Variants in ADCYAP1R1 observed in about 807,000 individuals in gnomAD.
ADCYAP1R1 encodes pituitary adenylate cyclase-activating polypeptide type I receptor.
ADCYAP1R1 carries 44 observed loss-of-function variants against 67.6 expected under a neutral mutation model. That is an observed-to-expected ratio of 0.65 (90% CI 0.51 to 0.84). The LOEUF (loss-of-function observed/expected upper bound fraction) is 0.84. Among genes scored for constraint, ADCYAP1R1 ranks in the 40% least tolerant of loss-of-function variants. The pLI is 0.00. For synonymous variants in ADCYAP1R1, 222 were observed against 219.6 expected (o/e 1.01, Z -0.10); for missense variants, 477 against 587.9 (o/e 0.81, Z 1.95).
At chr7:31,064,064 G>T (rs1401307299) in intron 2 of ADCYAP1R1, among the ~76,000 whole-genome samples, 2 of 152,206 alleles carry the variant, frequency 1.3e-5, no homozygotes, top group Admixed American at 6.5e-5. Context: ...TGCATGGGCT[G>T]TGAAGTTACT....
At chr7:31,055,780 AGATGCCTGATGGTACCTAG>A (rs902029131) in intron 1 of ADCYAP1R1, among the ~76,000 whole-genome samples, 3 of 152,218 alleles carry the variant, frequency 2.0e-5, no homozygotes, top group African/African-American at 7.2e-5. Flanking sequence ...TGATAGCTGC[AGATGCCTGATGGTACCTAG>A]GATGCTTCGC....
At chr7:31,055,256 A>G (rs1794190566) in intron 1 of ADCYAP1R1, among the ~76,000 whole-genome samples, 1 of 152,174 alleles carries the variant, frequency 6.6e-6, no homozygotes, top group Non-Finnish European at 1.5e-5. Flanking sequence ...GGGGACTCAG[A>G]GATATTTGCC....
In ADCYAP1R1 at chr7:31,109,102, A is replaced by G. The variant is rs1212539322; in HGVS notation, c.*2418A>G. 6 of 152,202 alleles carry G rather than the reference A, an allele frequency of 3.9e-5. No individual in the cohort carries two copies. The highest frequency in any genetic ancestry group is 3.9e-4 in the Admixed American group (6 of 15,282). The allele number at this position is 152,202 out of a possible 1,614,324, so 9.4% of individuals were successfully genotyped here. A position where few individuals can be genotyped will look rare whatever the true frequency, so the allele number is the denominator to read the frequency against. ...AGAGACATCATCACAAAACAGTAAA[A>G]ACAAAATCAACCCTGAACCCCATGC... On this transcript the variant is annotated 3_prime_UTR_variant, in exon 16 of 16. Coordinates refer to ENST00000304166, the MANE Select transcript of ADCYAP1R1 (RefSeq NM_001118.5).
At chr7:31,092,849 A>G in intron 13 of ADCYAP1R1, 114 bp downstream of exon 13, 1 of 716,684 alleles carries the variant, frequency 1.4e-6, no homozygotes, top group East Asian at 2.6e-5. Context: ...TAGCATCAGC[A>G]TTTGCAGATC....
rs1370990465 is a variant in ADCYAP1R1, at chr7:31,086,345, T to C, written c.670-39T>C. On this transcript the variant is annotated intron_variant, in intron 9 of 15. Coordinates refer to ENST00000304166, the MANE Select transcript of ADCYAP1R1 (RefSeq NM_001118.5). This position sits in a 1 kb window ranked among gnomAD's most constrained non-coding sequence, Gnocchi z 5.0. ...GGATTCTCCCTTGCTCCTGTTCCTG[T>C]TGGGCTCACGCCCCTCACCCTGGCG... 6.2e-7 allele frequency: 1 copy of C among 1,605,872 alleles called. No individual in the cohort carries two copies. The highest frequency in any genetic ancestry group is 1.3e-5 in the African/African-American group (1 of 74,792).
rs1239359218 is a variant in ADCYAP1R1, at chr7:31,052,516, A to T, written c.-234A>T. On this transcript the variant is annotated 5_prime_UTR_variant, in exon 1 of 16. Transcript: ENST00000304166. The stretch of plus-strand genomic sequence containing the variant: ...CACGCCGCCGCGCAGGGACACACGG[A>T]CCCCGGCCGCCAGCCGGCCACACAG... 6.7e-6 allele frequency: 1 copy of T among 149,442 alleles called. No individual in the cohort carries two copies. The highest frequency in any genetic ancestry group is 1.5e-5 in the Non-Finnish European group (1 of 67,282). 9.3% of individuals were successfully genotyped at this position (149,442 alleles called of 1,614,324 possible).
Position 31,086,847 on chromosome 7 carries a change from G to T in ADCYAP1R1, c.824-96G>T. On this transcript the variant is annotated intron_variant, in intron 10 of 15. Transcript: ENST00000304166. The surrounding 1 kb of genome is among the most constrained non-coding windows in gnomAD (Gnocchi z 5.0). Reference sequence around the variant, plus strand: ...AATTCCCAGGAATTCCAAGTCTCATGGGGGAGCAATAGCCTCTCGGAGCCC... The same window carrying T: ...AATTCCCAGGAATTCCAAGTCTCATTGGGGAGCAATAGCCTCTCGGAGCCC... 1.5e-6 allele frequency: 2 copies of T among 1,307,066 alleles called. No individual in the cohort carries two copies. Among genetic ancestry groups the T allele is most frequent in the Non-Finnish European group, 2.2e-6 (2 of 903,570 alleles). 81.0% of individuals were successfully genotyped at this position (1,307,066 alleles called of 1,614,324 possible). A position where few individuals can be genotyped will look rare whatever the true frequency, so the allele number is the denominator to read the frequency against.
At chr7:31,082,358 A>G (rs1584511759) in intron 6 of ADCYAP1R1, among the ~76,000 whole-genome samples, 1 of 152,208 alleles carries the variant, frequency 6.6e-6, no homozygotes, top group East Asian at 1.9e-4. Context: ...CTATCAGAAC[A>G]ATACAGTGGC....
intron 5 of ADCYAP1R1, among the ~76,000 whole-genome samples, chr7:31,081,430 C>A (rs1795507129): frequency 6.6e-6 from 1 of 152,184 alleles, no homozygotes; most frequent in Non-Finnish European, 1.5e-5. Context: ...GGAGGCCCTC[C>A]CATCCTCCTG....
chr7:31,070,349 TGGAGGAGGA>T (rs1248865009), intron 3 of ADCYAP1R1, among the ~76,000 whole-genome samples: 1 of 152,094 alleles, frequency 6.6e-6, no homozygotes, highest in African/African-American at 2.4e-5. Flanking sequence ...CACACTCTAG[TGGAGGAGGA>T]AGAGGAGGCC....
Position 31,092,628 on chromosome 7 carries a change from T to G in ADCYAP1R1, c.955-16T>G. On this transcript the variant is annotated splice_polypyrimidine_tract_variant and intron_variant, in intron 12 of 15. Transcript: ENST00000304166. ...CAGAATCATGTCCATCTGCTTTTTT[T>G]TTTTTTGCTCCTTAGGTTAACTTTG... The G allele has an allele frequency of 1.2e-6, 2 of 1,601,180 alleles. No individual in the cohort carries two copies. The highest frequency in any genetic ancestry group is 2.2e-5 in the East Asian group (1 of 44,826).
rs143225032 is a variant in ADCYAP1R1 at position 31,078,899 on chromosome 7, G to A, written c.265+801G>A. Among the ~76,000 whole-genome samples, 230 of 152,344 alleles carry A rather than the reference G, an allele frequency of 1.5e-3. 1 individual carries two copies. The highest frequency in any genetic ancestry group is 2.8e-3 in the Non-Finnish European group (190 of 68,038). ...GCGCCTCCCTGAGAGGGAAGGCTGGGTGGGTGCGGTGTCCTGCAGACCTGG... is the reference window on the plus strand; with the variant it reads ...GCGCCTCCCTGAGAGGGAAGGCTGGATGGGTGCGGTGTCCTGCAGACCTGG... On this transcript the variant is annotated intron_variant, in intron 4 of 15. Coordinates refer to ENST00000304166, the MANE Select transcript of ADCYAP1R1 (RefSeq NM_001118.5).
chr7:31,065,521 C>T (rs1348835863), intron 3 of ADCYAP1R1, among the ~76,000 whole-genome samples: 1 of 152,180 alleles, frequency 6.6e-6, no homozygotes, highest in Admixed American at 6.5e-5. Context: ...CCTCTAAATG[C>T]CCATAACGTC....
At chr7:31,059,381 G>A (rs1219520298) in intron 1 of ADCYAP1R1, among the ~76,000 whole-genome samples, 1 of 152,206 alleles carries the variant, frequency 6.6e-6, no homozygotes, top group African/African-American at 2.4e-5. Flanking sequence ...TCCCAAGTCT[G>A]TCATACTAAA....
chr7:31,069,109 T>G (rs1562632688), intron 3 of ADCYAP1R1, among the ~76,000 whole-genome samples: 3 of 152,136 alleles, frequency 2.0e-5, no homozygotes, highest in African/African-American at 7.2e-5. Context: ...AGCCTCCAGG[T>G]GATTCTAAAG....
In ADCYAP1R1 at chr7:31,086,886, G is replaced by T; in HGVS notation, c.824-57G>T. 1.3e-6 allele frequency: 2 copies of T among 1,569,140 alleles called. No individual in the cohort carries two copies. Among genetic ancestry groups the T allele is most frequent in the South Asian group, 1.1e-5 (1 of 90,134 alleles). ...CTCTCGGAGCCCCAGGTCTACGGTG[G>T]ACATTGGACATGTTGGTTTTCCTGT... On this transcript the variant is annotated intron_variant, in intron 10 of 15. Coordinates refer to ENST00000304166, the MANE Select transcript of ADCYAP1R1 (RefSeq NM_001118.5). This position sits in a 1 kb window ranked among gnomAD's most constrained non-coding sequence, Gnocchi z 5.0.
chr7:31,078,172 A>G (rs1795357994), intron 4 of ADCYAP1R1, 74 bp downstream of exon 4: 2 of 1,223,880 alleles, frequency 1.6e-6, no homozygotes, highest in South Asian at 1.5e-5. Context: ...GCAAGCACCA[A>G]GGACAGGGAG....
At chr7:31,105,432 G>A (rs900778990) in intron 15 of ADCYAP1R1, among the ~76,000 whole-genome samples, 7 of 152,210 alleles carry the variant, frequency 4.6e-5, no homozygotes, top group African/African-American at 1.7e-4. Flanking sequence ...CCCAGGGAGA[G>A]ACCTGGAACC....
rs886979506 is a variant in ADCYAP1R1 at position 31,108,788 on chromosome 7, A to T, written c.*2104A>T. On this transcript the variant is annotated 3_prime_UTR_variant, in exon 16 of 16. Transcript: ENST00000304166. ...TGTGTGTGTGTGTGTGTGTAGAGGG[A>T]TGGACAGGATGCTGTTTATTTTCCC... 1.3e-5 allele frequency: 2 copies of T among 149,426 alleles called. No homozygotes were observed. The highest frequency in any genetic ancestry group is 2.9e-5 in the Non-Finnish European group (2 of 67,860). 9.3% of individuals were successfully genotyped at this position (149,426 alleles called of 1,614,324 possible).
Sources: allele counts gnomAD v4.1 joint callset (sites outside exome capture counted in the v4.1 genomes callset), GRCh38; gene constraint gnomAD v4.1.1; non-coding constraint Gnocchi (gnomAD v3.1); transcripts MANE v1.5; gene names NCBI Gene and HGNC (gene_info 2026-07-23, HGNC 2026-07-21).